The following ABTB2 variants were observed in gnomAD, a reference collection of about 807,000 sequenced individuals.
ABTB2 encodes ankyrin repeat and BTB domain containing 2, also known as ankyrin repeat and BTB/POZ domain-containing protein 2.
Under a neutral mutation model 104.1 loss-of-function variants are expected in ABTB2, and 56 were observed. The ratio of observed to expected loss-of-function variants is 0.54; its 90% confidence interval spans 0.43 to 0.67. The LOEUF (loss-of-function observed/expected upper bound fraction) is 0.67. Ranked by LOEUF, ABTB2 falls within the 30% of genes least tolerant of loss-of-function variation. The pLI is 0.00. For synonymous variants in ABTB2, 606 were observed against 608.2 expected, an observed-to-expected ratio of 1.00 and a Z score of 0.05; for missense variants, 1,279 against 1,407.7, an observed-to-expected ratio of 0.91 and a Z score of 1.46.
chr11:34,176,608 C>T (rs1428607868), intron 3 of ABTB2, among the ~76,000 whole-genome samples: 1 of 152,236 alleles, frequency 6.6e-6, no homozygotes, highest in Non-Finnish European at 1.5e-5. Flanking sequence ...CACCACTCCC[C>T]TGCAGCCTGG....
intron 1 of ABTB2, among the ~76,000 whole-genome samples, chr11:34,332,242 A>C (rs1855139864): frequency 6.7e-6 from 1 of 148,668 alleles, no homozygotes; most frequent in South Asian, 2.2e-4. Context: ...ACCTAGCTCT[A>C]GATCACATCA....
intron 1 of ABTB2, among the ~76,000 whole-genome samples, chr11:34,351,387 C>G (rs1855395964): frequency 6.6e-6 from 1 of 151,218 alleles, no homozygotes; most frequent in African/African-American, 2.5e-5. Context: ...GCCTGCTGTA[C>G]CAGACGTCTG....
chr11:34,172,395 A>AAAATATAT (rs1554980662), intron 4 of ABTB2, among the ~76,000 whole-genome samples: 3 of 29,056 alleles, frequency 1.0e-4, no homozygotes, highest in Non-Finnish European at 2.3e-4. Flanking sequence ...AAAAAAAAAA[A>AAAATATAT]ATATATATAT....
rs370214314 is a variant in ABTB2, at chr11:34,160,959, C to T, written c.2341G>A (p.Glu781Lys). 7 of 1,613,480 alleles carry T rather than the reference C, an allele frequency of 4.3e-6. No individual in the cohort carries two copies. The highest frequency in any genetic ancestry group is 3.3e-5 in the Admixed American group (2 of 59,960). Residue 781 changes from glutamate to lysine, a missense_variant, in exon 11 of 17, where the codon GAG becomes AAG. By Grantham distance (56) the Glu-to-Lys change is moderately conservative (BLOSUM62 1). Transcript: ENST00000435224. ...TGCAAGCCCTCGGTCACCAGCTCCT[C>T]GTTGTACTCCTCCTCTCTGATGGAG... ...FSSIREEEYN[E>K]ELVTEGLQLM... is the part of the protein sequence containing the mutation.
At chr11:34,272,987 A>G (rs1854337710) in intron 1 of ABTB2, among the ~76,000 whole-genome samples, 1 of 152,138 alleles carries the variant, frequency 6.6e-6, no homozygotes, top group Non-Finnish European at 1.5e-5. Flanking sequence ...GGAAACAACA[A>G]TAATAGCGTT....
intron 1 of ABTB2, among the ~76,000 whole-genome samples, chr11:34,338,867 C>T (rs571526584): frequency 5.9e-5 from 9 of 152,222 alleles, no homozygotes; most frequent in African/African-American, 1.9e-4. Flanking sequence ...AAAAGCAGAA[C>T]CTAAGCCTAG....
intron 1 of ABTB2, among the ~76,000 whole-genome samples, chr11:34,340,705 A>G (rs1243382851): frequency 6.6e-6 from 1 of 152,214 alleles, no homozygotes; most frequent in Non-Finnish European, 1.5e-5. Flanking sequence ...TTTAACCTCA[A>G]GTTCCAAGGA....
chr11:34,219,965 C>G (rs1269137376), intron 1 of ABTB2, among the ~76,000 whole-genome samples: 2 of 152,172 alleles, frequency 1.3e-5, no homozygotes, highest in Non-Finnish European at 2.9e-5. Context: ...CAAAAAGCCC[C>G]CATTTACTCA....
At chr11:34,187,757 A>G (rs554658275) in intron 3 of ABTB2, among the ~76,000 whole-genome samples, 29 of 152,172 alleles carry the variant, frequency 1.9e-4, no homozygotes, top group African/African-American at 6.7e-4. Context: ...CCAAAGTGCT[A>G]GGATTACAGG....
At chr11:34,274,961 G>T (rs1311484194) in intron 1 of ABTB2, among the ~76,000 whole-genome samples, 2 of 152,186 alleles carry the variant, frequency 1.3e-5, no homozygotes, top group African/African-American at 4.8e-5. Context: ...CAGCCTGGAT[G>T]CTCCGACTCC....
intron 10 of ABTB2, 78 bp downstream of exon 10, chr11:34,162,498 G>T: frequency 1.4e-6 from 2 of 1,480,438 alleles, no homozygotes; most frequent in Non-Finnish European, 1.8e-6. Flanking sequence ...TCTCAGGCCT[G>T]CTGAAGAGCA....
At chr11:34,164,650 C>G (rs1026781014) in intron 9 of ABTB2, 36 bp downstream of exon 9, 1 of 1,452,662 alleles carries the variant, frequency 6.9e-7, no homozygotes, top group Non-Finnish European at 9.0e-7. Flanking sequence ...GTTCAGTGCC[C>G]TCATGTCACA....
At chr11:34,278,987 T>C (rs796880287) in intron 1 of ABTB2, among the ~76,000 whole-genome samples, 12 of 152,298 alleles carry the variant, frequency 7.9e-5, no homozygotes, top group Admixed American at 4.6e-4. Context: ...TAATGTCTGA[T>C]AATGGCCTGC....
chr11:34,299,618 C>T (rs1029044568), intron 1 of ABTB2, among the ~76,000 whole-genome samples: 2 of 152,222 alleles, frequency 1.3e-5, no homozygotes, highest in Non-Finnish European at 2.9e-5. Context: ...AGCACATGAA[C>T]CCTCACTGAA....
intron 1 of ABTB2, among the ~76,000 whole-genome samples, chr11:34,306,518 A>G (rs1854774475): frequency 2.0e-5 from 3 of 152,094 alleles, no homozygotes; most frequent in Admixed American, 2.0e-4. Context: ...AAGTGCTATG[A>G]TTACAGGCGT....
At chr11:34,270,078 T>C (rs1854295532) in intron 1 of ABTB2, among the ~76,000 whole-genome samples, 1 of 152,322 alleles carries the variant, frequency 6.6e-6, no homozygotes, top group Middle Eastern at 3.4e-3. Flanking sequence ...CCTTTTCTCA[T>C]GGATGCTTCA....
intron 9 of ABTB2, 129 bp downstream of exon 9, chr11:34,164,557 C>T: frequency 8.7e-7 from 1 of 1,155,096 alleles, no homozygotes; most frequent in Non-Finnish European, 1.1e-6. Context: ...GGTTTACTAG[C>T]ACACAGGCCC....
chr11:34,221,145 A>G (rs1775726842), intron 1 of ABTB2, among the ~76,000 whole-genome samples: 1 of 151,444 alleles, frequency 6.6e-6, no homozygotes, highest in Admixed American at 6.6e-5. Flanking sequence ...TAATTTTTGT[A>G]TTTTTTTAGT....
Position 34,333,721 on chromosome 11 carries a change from A to G in ABTB2, c.883+22980T>C, listed in dbSNP as rs560361842. 2.0e-5 allele frequency among the ~76,000 whole-genome samples: 3 copies of G among 152,326 alleles called. No individual in the cohort carries two copies. In the East Asian group the frequency reaches 5.8e-4, roughly 29 times the overall value. ...CAGTGAGCTGAGATTGTGTCACTGC[A>G]CTCCAGCCTGGATGACAAGAGTGAG... On this transcript the variant is annotated intron_variant, in intron 1 of 16. Transcript: ENST00000435224.
Sources: allele counts gnomAD v4.1 joint callset (sites outside exome capture counted in the v4.1 genomes callset), GRCh38; gene constraint gnomAD v4.1.1; transcripts MANE v1.5; gene names NCBI Gene and HGNC (gene_info 2026-07-23, HGNC 2026-07-21).